The following AIDA variants were observed in gnomAD, a reference collection of about 807,000 sequenced individuals.
AIDA encodes the protein axin interactor, dorsalization associated.
A neutral mutation model predicts 42.7 loss-of-function variants in AIDA; 18 were observed. The observed-to-expected ratio is 0.42, with a 90% CI of 0.29 to 0.63. The LOEUF (loss-of-function observed/expected upper bound fraction) is 0.63. Among genes scored for constraint, AIDA ranks in the 20% least tolerant of loss-of-function variants. The pLI is 0.19. For synonymous variants in AIDA, 104 were observed against 122.9 expected (o/e 0.85, Z 1.02); for missense variants, 250 against 354.1 (o/e 0.71, Z 2.36).
At chr1:222,693,170 A>C (rs1029015330) in intron 4 of AIDA, among the ~76,000 whole-genome samples, 1 of 152,178 alleles carries the variant, frequency 6.6e-6, no homozygotes, top group African/African-American at 2.4e-5. Context: ...CTCTATATAC[A>C]TAATAATGTT....
In AIDA at chr1:222,687,011, C is replaced by T; in HGVS notation, c.379G>A (p.Glu127Lys). The change falls in exon 6 of 10, where the codon GAG becomes AAG. Residue 127 changes from glutamate to lysine, a missense_variant. Glu to Lys is a moderately conservative substitution (Grantham distance 56). Around this residue, in one of 4 missense-constraint regions of AIDA, gnomAD observed 199 missense variants for 232.6 expected, o/e 0.86. Transcript: ENST00000340020. ...LRRILAPGEE[E>K]NLEFEEDEEE... ...TCATCTTCTTCAAATTCCAAATTCT[C>T]TTCTTCACCAGGTGCCAAAATTCTT... 6.2e-7 allele frequency: 1 copy of T among 1,613,618 alleles called. No homozygotes were observed. The highest frequency in any genetic ancestry group is 8.5e-7 in the Non-Finnish European group (1 of 1,179,906).
chr1:222,674,648 C>G (rs1571923642), intron 7 of AIDA, among the ~76,000 whole-genome samples: 1 of 152,100 alleles, frequency 6.6e-6, no homozygotes, highest in East Asian at 1.9e-4. Context: ...TTGTAACAAC[C>G]TGTTTTATAC....
intron 6 of AIDA, among the ~76,000 whole-genome samples, chr1:222,684,631 CAT>C (rs1664710058): frequency 6.6e-6 from 1 of 152,148 alleles, no homozygotes; most frequent in Non-Finnish European, 1.5e-5. Flanking sequence ...TTAAACCATA[CAT>C]ACTCTTTCTT....
intron 6 of AIDA, among the ~76,000 whole-genome samples, chr1:222,683,286 C>T (rs1218359554): frequency 7.2e-5 from 11 of 152,070 alleles, no homozygotes; most frequent in Admixed American, 7.2e-4. Context: ...AAGGAAAGCC[C>T]TGATAGTCAC....
intron 6 of AIDA, among the ~76,000 whole-genome samples, chr1:222,685,449 T>C (rs1282008525): frequency 6.6e-6 from 1 of 152,208 alleles, no homozygotes; most frequent in Non-Finnish European, 1.5e-5. Flanking sequence ...CTACTCCAAA[T>C]GACTACTGTT....
At chr1:222,705,274 C>G (rs1655808889) in intron 1 of AIDA, among the ~76,000 whole-genome samples, 1 of 152,162 alleles carries the variant, frequency 6.6e-6, no homozygotes, top group Non-Finnish European at 1.5e-5. Context: ...GGAGAAGGTA[C>G]AAATAGAAAC....
At position 222,707,906 on chromosome 1, in the gene AIDA, A is replaced by C. The variant is rs529046845; in HGVS notation, c.110+4302T>G. On this transcript the variant is annotated intron_variant, in intron 1 of 9. Coordinates refer to ENST00000340020, the MANE Select transcript of AIDA (RefSeq NM_022831.4). Reference sequence around the variant, plus strand: ...GATGTCAAATTGCTATAAAGTTTCCACATGCTCTCAATTTCTTTCCTTATC... The same window carrying C: ...GATGTCAAATTGCTATAAAGTTTCCCCATGCTCTCAATTTCTTTCCTTATC... 2.6e-4 allele frequency among the ~76,000 whole-genome samples: 40 copies of C among 152,368 alleles called. 1 individual carries two copies. The East Asian group carries it at 6.6e-3, about 25-fold the overall frequency.
intron 4 of AIDA, among the ~76,000 whole-genome samples, chr1:222,689,520 T>TATATATACACAC (rs765351898): frequency 2.6e-4 from 15 of 58,098 alleles, no homozygotes; most frequent in South Asian, 2.4e-3. Flanking sequence ...TATATATATA[T>TATATATACACAC]ACACACATAC....
chr1:222,672,764 T>C (rs1431001988), intron 8 of AIDA, among the ~76,000 whole-genome samples: 1 of 152,200 alleles, frequency 6.6e-6, no homozygotes. Context: ...AACCCTCAGG[T>C]GATAAAGGGA....
chr1:222,681,112 A>T (rs1398664812), intron 6 of AIDA, among the ~76,000 whole-genome samples: 1 of 152,128 alleles, frequency 6.6e-6, no homozygotes, highest in Non-Finnish European at 1.5e-5. Flanking sequence ...TGGTGTACTC[A>T]AGAAAACTGT....
chr1:222,672,837 T>A (rs1664473391), intron 8 of AIDA, among the ~76,000 whole-genome samples: 1 of 152,216 alleles, frequency 6.6e-6, no homozygotes, highest in Non-Finnish European at 1.5e-5. Context: ...TGGGGAAGTA[T>A]TTAATACTAA....
rs547784629 is a variant in AIDA, at chr1:222,695,956, C to T, written c.181-1693G>A. On this transcript the variant is annotated intron_variant, in intron 2 of 9. Coordinates refer to ENST00000340020, the MANE Select transcript of AIDA (RefSeq NM_022831.4). ...ACAAGTGCCATCCTGGCCCCTAGCA[C>T]TTATGCAACTACCACATCTACAATA... 1.2e-4 allele frequency among the ~76,000 whole-genome samples: 19 copies of T among 152,148 alleles called. No homozygotes were observed. In the South Asian group the frequency reaches 3.5e-3, roughly 28 times the overall value.
rs766369406 is a variant in AIDA, at chr1:222,670,300, GT to G, written c.707-51del. ...AAACCACAGATAGCACATTTCTTGT[GT>G]GTCAATTAATTTTCTTTGATCACCA... On this transcript the variant is annotated intron_variant, in intron 8 of 9. Coordinates refer to ENST00000340020, the MANE Select transcript of AIDA (RefSeq NM_022831.4). The G allele has an allele frequency of 2.8e-6, 4 of 1,452,346 alleles. No individual in the cohort carries two copies. In the Admixed American group the frequency reaches 7.4e-5, roughly 27 times the overall value. The allele number at this position is 1,452,346 out of a possible 1,614,324, so 90.0% of individuals were successfully genotyped here.
At chr1:222,708,455 C>T (rs1167025412) in intron 1 of AIDA, among the ~76,000 whole-genome samples, 1 of 151,822 alleles carries the variant, frequency 6.6e-6, no homozygotes, top group Non-Finnish European at 1.5e-5. Flanking sequence ...GCAACCTCCA[C>T]TTCCCAGGTT....
At chr1:222,670,709 G>A (rs1192356863) in intron 8 of AIDA, among the ~76,000 whole-genome samples, 1 of 152,152 alleles carries the variant, frequency 6.6e-6, no homozygotes, top group Non-Finnish European at 1.5e-5. Flanking sequence ...AATCTTGGGG[G>A]TATTTTGGAA....
chr1:222,690,447 C>T (rs529418804), intron 4 of AIDA, among the ~76,000 whole-genome samples: 7 of 152,262 alleles, frequency 4.6e-5, no homozygotes, highest in South Asian at 2.1e-4. Flanking sequence ...AGTAACTACT[C>T]GTGATTACAT....
intron 1 of AIDA, among the ~76,000 whole-genome samples, chr1:222,707,742 G>A (rs1030447447): frequency 6.6e-6 from 1 of 152,172 alleles, no homozygotes; most frequent in Non-Finnish European, 1.5e-5. Flanking sequence ...ACATACACAA[G>A]TAACTCCTGG....
At chr1:222,699,294 T>C (rs1655616104) in intron 2 of AIDA, among the ~76,000 whole-genome samples, 1 of 152,224 alleles carries the variant, frequency 6.6e-6, no homozygotes, top group Admixed American at 6.5e-5. Flanking sequence ...CTTAGCATAA[T>C]GTAAAGAACA....
intron 1 of AIDA, among the ~76,000 whole-genome samples, chr1:222,705,291 G>C (rs888744231): frequency 6.6e-6 from 1 of 152,128 alleles, no homozygotes; most frequent in African/African-American, 2.4e-5. Context: ...AAACAATATA[G>C]CCATTGTCTT....
Sources: gnomAD v4.1 joint callset for allele counts (sites outside exome capture counted in the v4.1 genomes callset) on GRCh38, gnomAD v4.1.1 for gene constraint, gnomAD v4.1.1 regional missense constraint, MANE v1.5 for transcripts, NCBI Gene and HGNC (gene_info 2026-07-23, HGNC 2026-07-21) for gene names.